Variants in GAB1 observed in about 807,000 individuals in gnomAD.
The protein encoded by GAB1 is GRB2 associated binding protein 1.
GAB1 carries 19 observed loss-of-function variants against 66.5 expected under a neutral mutation model. The ratio of observed to expected loss-of-function variants is 0.29; its 90% confidence interval spans 0.20 to 0.42. The LOEUF (loss-of-function observed/expected upper bound fraction) is 0.42. GAB1 is among the 10% of genes least tolerant of loss of function. GAB1 has a pLI of 1.00. For synonymous variants in GAB1, 294 were observed against 301.4 expected (o/e 0.98, Z 0.25); for missense variants, 732 against 858.5 (o/e 0.85, Z 1.84).
intron 2 of GAB1, among the ~76,000 whole-genome samples, chr4:143,421,574 T>A (rs1448434191): frequency 6.6e-6 from 1 of 152,138 alleles, no homozygotes; most frequent in African/African-American, 2.4e-5. Flanking sequence ...CAGTCTTTAA[T>A]TTTAGCTATT....
At position 143,416,187 on chromosome 4, in the gene GAB1, C is replaced by T. The variant is rs533147009; in HGVS notation, c.367+416C>T. 3.3e-5 allele frequency among the ~76,000 whole-genome samples: 5 copies of T among 152,182 alleles called. No individual in the cohort carries two copies. In the East Asian group the frequency reaches 7.8e-4, roughly 24 times the overall value. On this transcript the variant is annotated intron_variant, in intron 2 of 9. Transcript: ENST00000262994. ...CTGGGAGGCCGAGGCGGGTGGATCA[C>T]GAGGTCAGGAGATCAAGACCATCCT... is the stretch of plus-strand genomic sequence containing the variant.
At chr4:143,343,092 C>T (rs1282297265) in intron 1 of GAB1, among the ~76,000 whole-genome samples, 1 of 152,084 alleles carries the variant, frequency 6.6e-6, no homozygotes, top group African/African-American at 2.4e-5. Context: ...TTGGTTTTGC[C>T]ATTACCCACC....
intron 1 of GAB1, among the ~76,000 whole-genome samples, chr4:143,339,590 T>C (rs927257481): frequency 2.6e-5 from 4 of 152,192 alleles, no homozygotes; most frequent in Non-Finnish European, 5.9e-5. Flanking sequence ...AATACAAGAA[T>C]GAGGTGGACT....
intron 1 of GAB1, among the ~76,000 whole-genome samples, chr4:143,394,012 A>C (rs1257404183): frequency 6.6e-6 from 1 of 152,156 alleles, no homozygotes; most frequent in Non-Finnish European, 1.5e-5. Context: ...TGTGGCTCAC[A>C]CCTGTAATCC....
Position 143,367,578 on chromosome 4 carries a change from G to T in GAB1, c.72+30318G>T, listed in dbSNP as rs74973720. Among the ~76,000 whole-genome samples, 392 of 150,320 alleles carry T rather than the reference G, an allele frequency of 2.6e-3. 2 individuals are homozygous for T. The highest frequency in any genetic ancestry group is 5.4e-3 in the African/African-American group (222 of 40,766). ...TTTTTTTTTTTTTTTCTTTACAGAG[G>T]TATAAGTTCCAATACCTTAATGAAA... On this transcript the variant is annotated intron_variant, in intron 1 of 9. Coordinates refer to ENST00000262994, the MANE Select transcript of GAB1 (RefSeq NM_002039.4).
At position 143,425,265 on chromosome 4, in the gene GAB1, G is replaced by C. The variant is rs1733276837; in HGVS notation, c.368-8226G>C. On this transcript the variant is annotated intron_variant, in intron 2 of 9. Transcript: ENST00000262994. ...CATTGTTGCCGTTGAAAACCCTGCA[G>C]ATGTCAGTGTTATATCCTCCAGGAA... 9 of 957,646 alleles carry C rather than the reference G, an allele frequency of 9.4e-6. No individual in the cohort carries two copies. The South Asian group carries it at 1.2e-4, about 12-fold the overall frequency. The allele number at this position is 957,646 out of a possible 1,614,324, so 59.3% of individuals were successfully genotyped here.
At chr4:143,429,850 A>G (rs1733556604) in intron 2 of GAB1, among the ~76,000 whole-genome samples, 1 of 152,238 alleles carries the variant, frequency 6.6e-6, no homozygotes, top group South Asian at 2.1e-4. Flanking sequence ...CTAGTTTCCA[A>G]ATTCTGGAGA....
At chr4:143,444,304 T>G (rs181044126) in intron 6 of GAB1, among the ~76,000 whole-genome samples, 72 of 152,324 alleles carry the variant, frequency 4.7e-4, no homozygotes, top group African/African-American at 1.6e-3. Flanking sequence ...TATGTTGTTA[T>G]GTTTGGCCTT....
rs555882896 is a variant in GAB1 at position 143,458,299 on chromosome 4, A to G, written c.1586-1086A>G. Among the ~76,000 whole-genome samples the G allele has an allele frequency of 3.9e-5, 6 of 152,206 alleles. No homozygotes were observed. The South Asian group carries it at 1.0e-3, about 26-fold the overall frequency. On this transcript the variant is annotated intron_variant, in intron 6 of 9. Coordinates refer to ENST00000262994, the MANE Select transcript of GAB1 (RefSeq NM_002039.4). ...AGACAAGCAAAATGGTTTCAGCTCA[A>G]ATTAGTAAGTTAATTTGGTCTTCAT...
intron 1 of GAB1, among the ~76,000 whole-genome samples, chr4:143,383,333 A>G (rs1471273548): frequency 1.3e-5 from 2 of 152,238 alleles, no homozygotes; most frequent in East Asian, 1.9e-4. Context: ...ATTTGGACAC[A>G]GAATAACTTG....
chr4:143,446,038 G>T (rs1177043579), intron 6 of GAB1, among the ~76,000 whole-genome samples: 3 of 152,060 alleles, frequency 2.0e-5, no homozygotes, highest in African/African-American at 7.2e-5. Flanking sequence ...GTGAGAACAT[G>T]CAGTGTTTGG....
intron 1 of GAB1, among the ~76,000 whole-genome samples, chr4:143,389,545 T>G (rs1731085059): frequency 6.6e-6 from 1 of 152,304 alleles, no homozygotes; most frequent in Non-Finnish European, 1.5e-5. Context: ...GGAGGGAAAG[T>G]GCAGGGGTCT....
At chr4:143,468,417 C>T (rs1269390083) in intron 9 of GAB1, among the ~76,000 whole-genome samples, 1 of 150,778 alleles carries the variant, frequency 6.6e-6, no homozygotes, top group African/African-American at 2.4e-5. Context: ...ATTTCAGCAT[C>T]TTGGCCAGGC....
intron 1 of GAB1, among the ~76,000 whole-genome samples, chr4:143,415,066 A>T (rs1370556480): frequency 6.6e-6 from 1 of 152,210 alleles, no homozygotes; most frequent in East Asian, 1.9e-4. Flanking sequence ...TATAAGTGGA[A>T]TCATACAATA....
intron 6 of GAB1, among the ~76,000 whole-genome samples, chr4:143,446,826 T>C (rs1289995802): frequency 1.3e-5 from 2 of 150,666 alleles, no homozygotes; most frequent in East Asian, 1.9e-4. Context: ...ATTTTGGCTT[T>C]TGTTGCCATT....
chr4:143,397,688 C>T (rs28925869), intron 1 of GAB1, among the ~76,000 whole-genome samples: 17,582 of 152,208 alleles, frequency 0.12, 1,397 homozygotes, highest in Non-Finnish European at 0.18. Flanking sequence ...GTAAAACAGA[C>T]AAGGGCTAAA....
chr4:143,438,054 G>T lies in GAB1; in HGVS notation c.649G>T (p.Val217Phe). ...TTCTGAAACAGACTGCAATGATAAC[G>T]TCCCTTCTCATAAAAATCCTGCTTC... The part of the protein sequence containing the change: ...TSSETDCNDN[V>F]PSHKNPASSQ... Residue 217 changes from valine (V) to phenylalanine (F), a missense_variant, in exon 4 of 10, where the codon GTC (valine) becomes TTC (phenylalanine). Physicochemically the swap from Val to Phe is conservative, Grantham distance 50. Transcript: ENST00000262994. 1 of 1,613,894 alleles carries T rather than the reference G, an allele frequency of 6.2e-7. No individual in the cohort carries two copies.
At chr4:143,344,326 G>A (rs1728921909) in intron 1 of GAB1, among the ~76,000 whole-genome samples, 1 of 152,112 alleles carries the variant, frequency 6.6e-6, no homozygotes, top group African/African-American at 2.4e-5. Flanking sequence ...GTGGATGGAG[G>A]GGTTTCTCTC....
chr4:143,363,567 G>A (rs1320493052), intron 1 of GAB1, among the ~76,000 whole-genome samples: 3 of 152,144 alleles, frequency 2.0e-5, no homozygotes, highest in South Asian at 2.1e-4. Context: ...AACCAAAATA[G>A]GATAAGGTGG....
Sources: allele counts gnomAD v4.1 joint callset (sites outside exome capture counted in the v4.1 genomes callset), GRCh38; gene constraint gnomAD v4.1.1; transcripts MANE v1.5; gene names NCBI Gene and HGNC (gene_info 2026-07-23, HGNC 2026-07-21).